Variants in ATG7 observed in about 807,000 individuals in gnomAD.
The protein encoded by ATG7 is autophagy related 7, also known as ubiquitin-like modifier-activating enzyme ATG7.
A neutral mutation model predicts 82.4 loss-of-function variants in ATG7; 70 were observed. The observed-to-expected ratio is 0.85, with a 90% confidence interval of 0.70 to 1.04. ATG7 has a LOEUF of 1.04. Among genes scored for constraint, ATG7 ranks in the 50% least tolerant of loss-of-function variants. The pLI is 0.00. For missense variants in ATG7, 792 were observed against 864.3 expected (o/e 0.92, Z 1.05); for synonymous variants, 287 against 313.0 (o/e 0.92, Z 0.88).
chr3:11,383,742 C>T (rs1013755241), intron 19 of ATG7, among the ~76,000 whole-genome samples: 7 of 152,206 alleles, frequency 4.6e-5, no homozygotes, highest in Admixed American at 4.6e-4. Context: ...GCCACCGCAT[C>T]CAGCCGTATC....
chr3:11,272,594 T>C (rs1940681394), intron 1 of ATG7, 164 bp downstream of exon 1: 1 of 152,442 alleles, frequency 6.6e-6, no homozygotes, highest in Non-Finnish European at 1.5e-5. Flanking sequence ...AGGGACTCAC[T>C]GATTCCGGCT....
At chr3:11,525,694 A>G (rs2092562346) in intron 20 of ATG7, among the ~76,000 whole-genome samples, 1 of 151,518 alleles carries the variant, frequency 6.6e-6, no homozygotes, top group Admixed American at 6.6e-5. Context: ...AGCTGGAACT[A>G]CAGGTACCCG....
the ATG7 span, chr3:11,568,848 C>A: frequency 1.4e-6 from 2 of 1,389,708 alleles, no homozygotes; most frequent in African/African-American, 2.9e-5. The surrounding 1 kb of genome is among the most constrained non-coding windows in gnomAD (Gnocchi z 5.9). Context: ...TGGCTCCGTG[C>A]CAGGCCTATC....
chr3:11,511,153 C>T lies in ATG7; in HGVS notation c.2080-43658C>T, dbSNP rs189800953. On this transcript the variant is annotated intron_variant, in intron 20 of 20. Coordinates refer to ENST00000693202, the MANE Select transcript of ATG7 (RefSeq NM_001349232.2). The stretch of plus-strand genomic sequence containing the variant: ...TATTGCAAAGAGCAAAAGAACAAAG[C>T]TTCCACAGCGTGGAAGGGGACCTGA... Among the ~76,000 whole-genome samples the T allele has an allele frequency of 8.1e-4, 123 of 152,272 alleles. 1 individual carries two copies. The East Asian group carries it at 0.018, about 22-fold the overall frequency.
intron 18 of ATG7, among the ~76,000 whole-genome samples, chr3:11,378,599 C>T (rs2077615857): frequency 7.1e-6 from 1 of 141,030 alleles, no homozygotes; most frequent in Non-Finnish European, 1.5e-5. Context: ...GCAGGAGAAT[C>T]ACTTGAACCC....
At chr3:11,548,847 G>A (rs1031171406) in intron 20 of ATG7, among the ~76,000 whole-genome samples, 2 of 152,178 alleles carry the variant, frequency 1.3e-5, no homozygotes, top group Non-Finnish European at 2.9e-5. Flanking sequence ...ATATCCTTTC[G>A]TATAGTGGAG....
At chr3:11,357,977 C>T (rs1424829314) in intron 14 of ATG7, among the ~76,000 whole-genome samples, 2 of 148,314 alleles carry the variant, frequency 1.3e-5, no homozygotes, top group Non-Finnish European at 3.0e-5. Flanking sequence ...CTAGTGCCCT[C>T]TAGCCTGGGT....
intron 9 of ATG7, among the ~76,000 whole-genome samples, chr3:11,321,442 T>A (rs370663186): frequency 1.1e-4 from 17 of 152,226 alleles, no homozygotes; most frequent in East Asian, 7.8e-4. Context: ...ATGCAGCTGG[T>A]CACTCATACA....
At chr3:11,375,275 A>T (rs2077329997) in intron 18 of ATG7, among the ~76,000 whole-genome samples, 23 of 152,226 alleles carry the variant, frequency 1.5e-4, no homozygotes, top group Admixed American at 1.5e-3. Flanking sequence ...TTTGATAAGA[A>T]ACCTTTATCC....
At chr3:11,435,073 A>G (rs1270952701) in intron 20 of ATG7, among the ~76,000 whole-genome samples, 1 of 152,256 alleles carries the variant, frequency 6.6e-6, no homozygotes, top group African/African-American at 2.4e-5. Flanking sequence ...CAAATATACC[A>G]TGTATAACCA....
chr3:11,392,428 TAC>T (rs1559526309), intron 19 of ATG7, among the ~76,000 whole-genome samples: 1 of 151,324 alleles, frequency 6.6e-6, no homozygotes, highest in African/African-American at 2.4e-5. Context: ...TTGAGTAGAA[TAC>T]AGAGTCCAGG....
At chr3:11,355,715 A>AATGTTG (rs2075890343) in intron 14 of ATG7, among the ~76,000 whole-genome samples, 1 of 152,230 alleles carries the variant, frequency 6.6e-6, no homozygotes. Flanking sequence ...GACAATGCTA[A>AATGTTG]ATGTTGTCAG....
chr3:11,353,768 C>G (rs982572171), intron 14 of ATG7, among the ~76,000 whole-genome samples: 1 of 152,204 alleles, frequency 6.6e-6, no homozygotes, highest in East Asian at 1.9e-4. Flanking sequence ...GTGGAAGCTT[C>G]CCTCATCAGA....
At chr3:11,325,992 A>G (rs1320819501) in intron 9 of ATG7, among the ~76,000 whole-genome samples, 1 of 152,130 alleles carries the variant, frequency 6.6e-6, no homozygotes, top group Non-Finnish European at 1.5e-5. Flanking sequence ...TTTGTGACCT[A>G]TAGGGTATTT....
chr3:11,372,819 CGCGTGTGCGTGTGTGTGCGTGCGT>C (rs1189746730), intron 18 of ATG7, among the ~76,000 whole-genome samples: 4,120 of 80,452 alleles, frequency 0.051, 373 homozygotes, highest in African/African-American at 0.14. Flanking sequence ...TGTGTGTGCG[CGCGTGTGCGTGTGTGTGCGTGCGT>C]GCGTGTGCGT....
intron 20 of ATG7, among the ~76,000 whole-genome samples, chr3:11,518,513 C>T (rs991702849): frequency 6.6e-6 from 1 of 151,334 alleles, no homozygotes; most frequent in African/African-American, 2.4e-5. Flanking sequence ...TGCTACTGTA[C>T]TCCAGCCTGT....
At position 11,444,875 on chromosome 3, in the gene ATG7, C is replaced by A. The variant is rs935264284; in HGVS notation, c.2079+17949C>A. 1.0e-4 allele frequency among the ~76,000 whole-genome samples: 14 copies of A among 140,464 alleles called. No homozygotes were observed. The East Asian group carries it at 1.1e-3, about 11-fold the overall frequency. 92.1% of individuals were successfully genotyped at this position (140,464 alleles called of 152,430 possible). On this transcript the variant is annotated intron_variant, in intron 20 of 20. Coordinates refer to ENST00000693202, the MANE Select transcript of ATG7 (RefSeq NM_001349232.2). The stretch of plus-strand genomic sequence containing the variant: ...TTTAGACAAATTTACAAGGAAAAAA[C>A]CCCATTAAAAAGTGGGCAAAGGACA...
chr3:11,465,915 GCTGGCTCTATTCATAACTTTGCTCT>G (rs1316303425), intron 20 of ATG7, among the ~76,000 whole-genome samples: 2 of 152,202 alleles, frequency 1.3e-5, no homozygotes, highest in African/African-American at 2.4e-5. Flanking sequence ...CAGAACCCAT[GCTGGCTCTATTCATAACTTTGCTCT>G]CTGGATCAAT....
intron 19 of ATG7, among the ~76,000 whole-genome samples, chr3:11,420,401 G>A (rs902472395): frequency 3.9e-5 from 6 of 152,062 alleles, no homozygotes; most frequent in Admixed American, 3.9e-4. Flanking sequence ...GGTCAGATAT[G>A]TAGCACTATA....
Sources: allele counts gnomAD v4.1 joint callset (sites outside exome capture counted in the v4.1 genomes callset), GRCh38; gene constraint gnomAD v4.1.1; non-coding constraint Gnocchi (gnomAD v3.1); transcripts MANE v1.5; gene names NCBI Gene and HGNC (gene_info 2026-07-23, HGNC 2026-07-21).